Variants in NRF1 observed in about 807,000 individuals in gnomAD.
NRF1 encodes the protein nuclear respiratory factor 1, also known as alpha palindromic-binding protein.
In NRF1, 5 loss-of-function variants were observed where a neutral mutation model predicts 58.5. The observed-to-expected ratio is 0.09, with a 90% confidence interval of 0.04 to 0.18. NRF1 has a LOEUF of 0.18. NRF1 is among the 10% of genes least tolerant of loss of function. NRF1 has a pLI of 1.00. For missense variants in NRF1, 288 were observed against 657.7 expected (o/e 0.44, Z 6.15); for synonymous variants, 224 against 246.7 (o/e 0.91, Z 0.86).
intron 4 of NRF1, among the ~76,000 whole-genome samples, chr7:129,682,630 T>TAAA (rs771494622): frequency 1.1e-5 from 1 of 87,868 alleles, no homozygotes; most frequent in East Asian, 3.3e-4. Context: ...CAAAAAAATG[T>TAAA]AAAAAAAAAA....
intron 5 of NRF1, among the ~76,000 whole-genome samples, chr7:129,699,346 A>G (rs1206996340): frequency 1.3e-5 from 2 of 152,226 alleles, no homozygotes; most frequent in Admixed American, 6.5e-5. Flanking sequence ...AGTAGAAAAC[A>G]TTATGCTAAG....
At chr7:129,709,370 T>C in intron 6 of NRF1, 137 bp downstream of exon 6, 1 of 606,432 alleles carries the variant, frequency 1.6e-6, no homozygotes, top group Non-Finnish European at 2.5e-6. Flanking sequence ...ACTGATATTC[T>C]TTGATTTATA....
intron 1 of NRF1, among the ~76,000 whole-genome samples, chr7:129,643,981 G>A (rs73470426): frequency 0.017 from 2,532 of 152,264 alleles, 59 homozygotes; most frequent in African/African-American, 0.058. Flanking sequence ...TTCACAAGCC[G>A]TTGCTGCTGC....
chr7:129,667,223 G>A (rs1031716567), intron 2 of NRF1, among the ~76,000 whole-genome samples: 1 of 152,300 alleles, frequency 6.6e-6, no homozygotes, highest in African/African-American at 2.4e-5. Flanking sequence ...TGTAGCGCCT[G>A]TTACTTCTCA....
intron 5 of NRF1, among the ~76,000 whole-genome samples, chr7:129,696,009 G>A (rs1350209263): frequency 6.9e-6 from 1 of 144,470 alleles, no homozygotes; most frequent in Non-Finnish European, 1.5e-5. Flanking sequence ...GATCACCTGA[G>A]GTCAGGAGTT....
chr7:129,646,943 C>T (rs908324258), intron 1 of NRF1, among the ~76,000 whole-genome samples: 3 of 152,154 alleles, frequency 2.0e-5, no homozygotes, highest in Non-Finnish European at 4.4e-5. Flanking sequence ...CAGCTGATTA[C>T]CCACAATCAT....
At chr7:129,662,757 T>G (rs989097646) in intron 2 of NRF1, among the ~76,000 whole-genome samples, 6 of 152,158 alleles carry the variant, frequency 3.9e-5, no homozygotes, top group Non-Finnish European at 5.9e-5. Flanking sequence ...TATTTATTTA[T>G]TTATTTATTT....
At chr7:129,739,945 G>A (rs1042123601) in intron 10 of NRF1, among the ~76,000 whole-genome samples, 5 of 152,174 alleles carry the variant, frequency 3.3e-5, no homozygotes, top group Non-Finnish European at 7.3e-5. Context: ...GGAGCACAGA[G>A]CTGTTCACTG....
intron 1 of NRF1, among the ~76,000 whole-genome samples, chr7:129,637,564 A>C (rs1000934804): frequency 6.6e-6 from 1 of 152,244 alleles, no homozygotes; most frequent in Non-Finnish European, 1.5e-5. Flanking sequence ...ATAGATAAAA[A>C]GTATTCTTAA....
chr7:129,736,586 G>T (rs1411797634), intron 10 of NRF1, among the ~76,000 whole-genome samples: 1 of 151,554 alleles, frequency 6.6e-6, no homozygotes, highest in Non-Finnish European at 1.5e-5. Context: ...TGGACCCTGA[G>T]AAATTCTATA....
chr7:129,754,946 G>A lies in NRF1; in HGVS notation c.1349-72G>A, dbSNP rs532053694. On this transcript the variant is annotated intron_variant, in intron 10 of 10. Coordinates refer to ENST00000393232, the MANE Select transcript of NRF1 (RefSeq NM_005011.5). ...ACGATACCTCAAAGGCAAGACTTGG[G>A]TGCCCCCGTCCAGCCAGCATCTGGG... The A allele has an allele frequency of 1.1e-4, 153 of 1,442,336 alleles. No individual in the cohort carries two copies. In the South Asian group the frequency reaches 1.9e-3, roughly 18 times the overall value. The allele number at this position is 1,442,336 out of a possible 1,614,324, so 89.3% of individuals were successfully genotyped here.
chr7:129,674,400 T>G (rs1162683536), intron 3 of NRF1, among the ~76,000 whole-genome samples: 1 of 118,686 alleles, frequency 8.4e-6, no homozygotes. Flanking sequence ...TGGTATTATA[T>G]CTAAAAAAAA....
At position 129,629,698 on chromosome 7, in the gene NRF1, A is replaced by G. The variant is rs963718538; in HGVS notation, c.-7+17874A>G. Among the ~76,000 whole-genome samples, 3 of 152,168 alleles carry G rather than the reference A, an allele frequency of 2.0e-5. No individual in the cohort carries two copies. The South Asian group carries it at 6.2e-4, about 31-fold the overall frequency. ...TTGTTACGCAGAATAGTAGAAAGAC[A>G]TAACTCTGGGGAGAAGAGTTAATAA... On this transcript the variant is annotated intron_variant, in intron 1 of 10. Transcript: ENST00000393232.
chr7:129,663,308 G>A (rs1452789209), intron 2 of NRF1, among the ~76,000 whole-genome samples: 2 of 152,026 alleles, frequency 1.3e-5, no homozygotes, highest in Admixed American at 6.6e-5. Flanking sequence ...CGGGGCGGCC[G>A]AGCAGAGGCG....
At chr7:129,663,942 C>A (rs1324035905) in intron 2 of NRF1, among the ~76,000 whole-genome samples, 1 of 152,158 alleles carries the variant, frequency 6.6e-6, no homozygotes, top group Non-Finnish European at 1.5e-5. Context: ...CCGGTCAACA[C>A]GGCGAAACCC....
chr7:129,666,147 G>A (rs1169453357), intron 2 of NRF1, among the ~76,000 whole-genome samples: 1 of 152,174 alleles, frequency 6.6e-6, no homozygotes, highest in East Asian at 1.9e-4. Context: ...CCACTGCCCA[G>A]CTTTGTCAGT....
In NRF1 at chr7:129,624,866, G is replaced by A. The variant is rs563748417; in HGVS notation, c.-7+13042G>A. On this transcript the variant is annotated intron_variant, in intron 1 of 10. Coordinates refer to ENST00000393232, the MANE Select transcript of NRF1 (RefSeq NM_005011.5). ...ATAGTTTTCATTTTCCTTATTGTCCGAGTCGTCCCTATTTTAGTTTACATA... is the reference window on the plus strand; with the variant it reads ...ATAGTTTTCATTTTCCTTATTGTCCAAGTCGTCCCTATTTTAGTTTACATA... Among the ~76,000 whole-genome samples, 14 of 152,102 alleles carry A rather than the reference G, an allele frequency of 9.2e-5. No homozygotes were observed. In the South Asian group the frequency reaches 1.2e-3, roughly 14 times the overall value.
chr7:129,755,628 C>T lies in NRF1; in HGVS notation c.*447C>T, dbSNP rs1055099704. 2.0e-5 allele frequency: 3 copies of T among 152,006 alleles called. No homozygotes were observed. Among genetic ancestry groups the T allele is most frequent in the African/African-American group, 7.3e-5 (3 of 41,224 alleles). 9.4% of individuals were successfully genotyped at this position (152,006 alleles called of 1,614,324 possible). A position where few individuals can be genotyped will look rare whatever the true frequency, so the allele number is the denominator to read the frequency against. ...GTGCGCTGTGGAAACAATAATTCAC[C>T]CAGTTTAGTGGGTGGTAGGGTACGT... On this transcript the variant is annotated 3_prime_UTR_variant, in exon 11 of 11. Coordinates refer to ENST00000393232, the MANE Select transcript of NRF1 (RefSeq NM_005011.5). The surrounding 1 kb of genome is among the most constrained non-coding windows in gnomAD (Gnocchi z 5.8).
intron 1 of NRF1, among the ~76,000 whole-genome samples, chr7:129,656,319 G>A (rs189151393): frequency 4.6e-4 from 70 of 152,020 alleles, no homozygotes; most frequent in African/African-American, 1.6e-3. Flanking sequence ...GTTATGTTTT[G>A]ACATGTAACA....
Sources: allele counts gnomAD v4.1 joint callset (sites outside exome capture counted in the v4.1 genomes callset), GRCh38; gene constraint gnomAD v4.1.1; non-coding constraint Gnocchi (gnomAD v3.1); transcripts MANE v1.5; gene names NCBI Gene and HGNC (gene_info 2026-07-23, HGNC 2026-07-21).